The following PLA2G4C variants were observed in gnomAD, a reference collection of about 807,000 sequenced individuals.
The protein encoded by PLA2G4C is phospholipase A2 group IVC.
A neutral mutation model predicts 73.8 loss-of-function variants in PLA2G4C; 64 were observed. That is an observed-to-expected ratio of 0.87 (90% confidence interval 0.71 to 1.07). PLA2G4C has a LOEUF of 1.07. Ranked by LOEUF, PLA2G4C falls within the 50% of genes least tolerant of loss-of-function variation. PLA2G4C has a pLI of 0.00. For synonymous variants in PLA2G4C, 254 were observed against 252.1 expected (o/e 1.01, Z -0.07); for missense variants, 622 against 665.4 (o/e 0.93, Z 0.72).
intron 4 of PLA2G4C, 178 bp downstream of exon 4, chr19:48,104,410 A>C: frequency 5.2e-6 from 3 of 581,886 alleles, no homozygotes; most frequent in East Asian, 3.1e-5. Context: ...CACCTGTGGA[A>C]TCTGATGTGA....
intron 12 of PLA2G4C, among the ~76,000 whole-genome samples, chr19:48,070,207 T>A (rs953889348): frequency 6.6e-6 from 1 of 152,188 alleles, no homozygotes; most frequent in Non-Finnish European, 1.5e-5. Context: ...GTTTAACATG[T>A]CAACTAGGCT....
rs1249235771 is a variant in PLA2G4C at position 48,055,009 on chromosome 19, A to G, written c.1298T>C (p.Ile433Thr). The change falls in exon 15 of 17, where the codon ATC becomes ACC. Residue 433 changes from isoleucine (I) to threonine (T), a missense_variant. Ile to Thr is a moderately conservative substitution (Grantham distance 89). Transcript: ENST00000599921. ...AGCCTCTTCTACTTGGGGAAAGGGGATCTTGTGGCGGCGGCAGTAGTCAGT... is the reference window on the plus strand; with the variant it reads ...AGCCTCTTCTACTTGGGGAAAGGGGGTCTTGTGGCGGCGGCAGTAGTCAGT... ...ATTDYCRRHK[I>T]PFPQVEEAEL... 2 of 1,612,982 alleles carry G rather than the reference A, an allele frequency of 1.2e-6. No homozygotes were observed. Among genetic ancestry groups the G allele is most frequent in the South Asian group, 2.2e-5 (2 of 90,984 alleles).
At chr19:48,088,651 A>G in intron 9 of PLA2G4C, 35 bp downstream of exon 9, 5 of 1,521,266 alleles carry the variant, frequency 3.3e-6, no homozygotes, top group Non-Finnish European at 4.6e-6. Flanking sequence ...GGTCCCCATT[A>G]TCATCAGGGA....
chr19:48,101,360 T>TG (rs113979835), intron 4 of PLA2G4C, among the ~76,000 whole-genome samples: 4,389 of 151,782 alleles, frequency 0.029, 225 homozygotes, highest in African/African-American at 0.1. Flanking sequence ...GTCTCAAACT[T>TG]GTGGCCTGAA....
Position 48,054,999 on chromosome 19 carries a change from G to A in PLA2G4C, c.1308C>T (p.Pro436=). ...DYCRRHKIPF[P]QVEEAELDLW... ...AATCCAGCTCAGCCTCTTCTACTTG[G>A]GGAAAGGGGATCTTGTGGCGGCGGC... is the stretch of plus-strand genomic sequence containing the variant. Residue 436 remains proline (P), a synonymous_variant, in exon 15 of 17, where the codon CCC becomes CCT. Transcript: ENST00000599921. The A allele has an allele frequency of 2.5e-6, 4 of 1,613,336 alleles. No homozygotes were observed. The highest frequency in any genetic ancestry group is 2.5e-6 in the Non-Finnish European group (3 of 1,179,814).
chr19:48,098,658 C>T (rs995432678), intron 5 of PLA2G4C, among the ~76,000 whole-genome samples: 7 of 129,518 alleles, frequency 5.4e-5, no homozygotes, highest in African/African-American at 1.8e-4. Flanking sequence ...GTGGAAGGAT[C>T]ACTTGAGCCC....
intron 16 of PLA2G4C, among the ~76,000 whole-genome samples, chr19:48,051,376 A>C (rs1334849000): frequency 6.6e-6 from 1 of 152,240 alleles, no homozygotes; most frequent in Non-Finnish European, 1.5e-5. Context: ...AAACAAAAGA[A>C]GTTTAACTGA....
chr19:48,098,111 C>T (rs756528536), intron 6 of PLA2G4C, 28 bp downstream of exon 6: 1 of 1,608,286 alleles, frequency 6.2e-7, no homozygotes, highest in Admixed American at 1.7e-5. Context: ...CCCTTACTAC[C>T]TCTCCCTCCC....
chr19:48,074,804 T>C lies in PLA2G4C; in HGVS notation c.969A>G (p.Glu323=). ...MLENWTRTSL[E]KQEQPHEDPE... ...GGTCCTCATGGGGCTGCTCCTGCTT[T>C]TCCAGGGAGGTCCTGGTCCAATTCT... Residue 323 remains glutamate, a synonymous_variant, in exon 12 of 17, where the codon GAA becomes GAG. Transcript: ENST00000599921. 1 of 1,613,880 alleles carries C rather than the reference T, an allele frequency of 6.2e-7. No homozygotes were observed. Among genetic ancestry groups the C allele is most frequent in the Non-Finnish European group, 8.5e-7 (1 of 1,179,828 alleles).
intron 4 of PLA2G4C, among the ~76,000 whole-genome samples, chr19:48,101,934 T>C (rs2386966): frequency 0.29 from 44,234 of 151,268 alleles, 9,991 homozygotes; most frequent in African/African-American, 0.64. Context: ...CTCGGCCTCT[T>C]GAAGTGCTGG....
At chr19:48,054,787 G>C in intron 15 of PLA2G4C, 91 bp downstream of exon 15, 1 of 1,220,470 alleles carries the variant, frequency 8.2e-7, no homozygotes. Flanking sequence ...TTCTTCCTTT[G>C]TAAATTACCC....
chr19:48,086,784 T>A (rs2031005720), intron 9 of PLA2G4C, among the ~76,000 whole-genome samples: 1 of 152,176 alleles, frequency 6.6e-6, no homozygotes, highest in Non-Finnish European at 1.5e-5. Context: ...CACCACTGCA[T>A]GCACCACTCT....
intron 11 of PLA2G4C, among the ~76,000 whole-genome samples, chr19:48,076,574 C>G (rs897475062): frequency 2.0e-5 from 3 of 152,002 alleles, no homozygotes; most frequent in Non-Finnish European, 2.9e-5. Flanking sequence ...GAAAACTCGT[C>G]TCTACTAAAA....
At chr19:48,091,377 G>A (rs564135548) in intron 7 of PLA2G4C, among the ~76,000 whole-genome samples, 3 of 151,934 alleles carry the variant, frequency 2.0e-5, no homozygotes, top group East Asian at 3.9e-4. Context: ...AAGTAGAGAC[G>A]GGGTTTCACC....
At chr19:48,105,939 C>T (rs1310202769) in intron 2 of PLA2G4C, among the ~76,000 whole-genome samples, 1,038 of 12,150 alleles carry the variant, frequency 0.085, 231 homozygotes, top group East Asian at 0.33. Context: ...CCCTCCCTCC[C>T]TCCCTCCCTT....
chr19:48,093,509 G>A (rs973662230), intron 7 of PLA2G4C, among the ~76,000 whole-genome samples: 2 of 151,906 alleles, frequency 1.3e-5, no homozygotes, highest in South Asian at 2.1e-4. Flanking sequence ...AAACTGAATC[G>A]GTCACCACCC....
chr19:48,050,289 G>A (rs982149654), intron 16 of PLA2G4C, among the ~76,000 whole-genome samples: 3 of 152,132 alleles, frequency 2.0e-5, no homozygotes, highest in Admixed American at 6.5e-5. Flanking sequence ...CAGATGAGCA[G>A]CAAATAACCG....
intron 9 of PLA2G4C, among the ~76,000 whole-genome samples, chr19:48,087,636 ATAAGACCACGG>A (rs2031056051): frequency 6.6e-6 from 1 of 152,060 alleles, no homozygotes; most frequent in Non-Finnish European, 1.5e-5. Context: ...CTTCTGCCTG[ATAAGACCACGG>A]TGCACAGCCA....
At chr19:48,086,912 G>A (rs1286176047) in intron 9 of PLA2G4C, among the ~76,000 whole-genome samples, 1 of 152,196 alleles carries the variant, frequency 6.6e-6, no homozygotes, top group Non-Finnish European at 1.5e-5. Flanking sequence ...CAGAGCCTGT[G>A]TCTCTCTCCT....
Sources: gnomAD v4.1 joint callset for allele counts (sites outside exome capture counted in the v4.1 genomes callset) on GRCh38, gnomAD v4.1.1 for gene constraint, MANE v1.5 for transcripts, NCBI Gene and HGNC (gene_info 2026-07-23, HGNC 2026-07-21) for gene names.